Variants in STARD8 observed in about 807,000 individuals in gnomAD.
The protein encoded by STARD8 is StAR related lipid transfer domain containing 8.
Under a neutral mutation model 69.4 loss-of-function variants are expected in STARD8, and 25 were observed. The ratio of observed to expected loss-of-function variants is 0.36; its 90% CI spans 0.26 to 0.50. The LOEUF is 0.50. Among genes scored for constraint, STARD8 ranks in the 20% least tolerant of loss-of-function variants. The pLI is 0.96. For synonymous variants in STARD8, 389 were observed against 374.6 expected (o/e 1.04, Z -0.45); for missense variants, 921 against 932.5 (o/e 0.99, Z 0.16).
At position 68,723,710 on chromosome X, in the gene STARD8, C is replaced by T. The variant is rs372475852; in HGVS notation, c.2884C>T (p.Arg962Trp). The T allele has an allele frequency of 2.5e-5, 30 of 1,192,954 alleles. No individual in the cohort carries two copies. Among genetic ancestry groups the T allele is most frequent in the African/African-American group, 1.2e-4 (7 of 56,898 alleles). The change falls in exon 13 of 15, where the codon CGG becomes TGG. Residue 962 changes from arginine (R) to tryptophan (W), a missense_variant. Arg to Trp is a moderately radical substitution (Grantham distance 101). Coordinates refer to ENST00000374599, the MANE Select transcript of STARD8 (RefSeq NM_001142503.3). The stretch of plus-strand genomic sequence containing the variant: ...AGCTGTGGTGCTGCATCGTGTTCTC[C>T]GGGAGCGGGCCCTCTGGGATGAGGA... The part of the protein sequence containing the change: ...PPAVVLHRVL[R>W]ERALWDEDLL...
At chrX:68,708,782 C>T (rs2080027933) in intron 2 of STARD8, among the ~76,000 whole-genome samples, 1 of 112,607 alleles carries the variant, frequency 8.9e-6, no homozygotes, top group Admixed American at 9.3e-5. Flanking sequence ...AAACTGCTGG[C>T]AGCCATGCCT....
At chrX:68,702,635 G>A (rs1240953382) in intron 2 of STARD8, among the ~76,000 whole-genome samples, 5 of 111,426 alleles carry the variant, frequency 4.5e-5, no homozygotes, top group Non-Finnish European at 9.4e-5. Context: ...TGACTCTAGA[G>A]CCAAACTGCC....
intron 2 of STARD8, among the ~76,000 whole-genome samples, chrX:68,672,719 C>CG (rs1434391907): frequency 9.6e-6 from 1 of 104,536 alleles, no homozygotes; most frequent in African/African-American, 4.0e-5. Context: ...CAGCGCCCCA[C>CG]CCCCCATGGC....
chrX:68,703,855 T>C (rs926496435), intron 2 of STARD8, among the ~76,000 whole-genome samples: 5 of 111,453 alleles, frequency 4.5e-5, no homozygotes, highest in African/African-American at 1.6e-4. Flanking sequence ...CTTCAGGTCA[T>C]AATGCCTCCA....
intron 2 of STARD8, among the ~76,000 whole-genome samples, chrX:68,678,746 T>C (rs2079782770): frequency 8.9e-6 from 1 of 112,626 alleles, no homozygotes; most frequent in Non-Finnish European, 1.9e-5. Context: ...AGTCATACTA[T>C]GAGTTGAACT....
intron 10 of STARD8, 72 bp downstream of exon 10, chrX:68,721,818 T>C: frequency 9.6e-7 from 1 of 1,044,401 alleles, no homozygotes. Flanking sequence ...CTTTTGGCTT[T>C]TGATGGCTGG....
intron 1 of STARD8, among the ~76,000 whole-genome samples, chrX:68,649,420 C>G (rs2079533880): frequency 9.1e-6 from 1 of 109,581 alleles, no homozygotes; most frequent in Non-Finnish European, 1.9e-5. Context: ...TGGAATTAAT[C>G]TGTGGATTCA....
At chrX:68,665,662 C>A in intron 2 of STARD8, 130 bp downstream of exon 2, 1 of 673,890 alleles carries the variant, frequency 1.5e-6, no homozygotes, top group Non-Finnish European at 2.3e-6. Context: ...CGGAGACATC[C>A]TCTCTGTCTC....
intron 4 of STARD8, 123 bp from the exon 5 acceptor site, chrX:68,716,245 G>C: frequency 1.7e-6 from 1 of 596,575 alleles, no homozygotes; most frequent in Non-Finnish European, 2.7e-6. Context: ...AAACCTTCAC[G>C]AATATTGGAG....
intron 2 of STARD8, among the ~76,000 whole-genome samples, chrX:68,691,661 T>C (rs2079877276): frequency 1.8e-5 from 2 of 112,532 alleles, no homozygotes. Context: ...GAACATCTAC[T>C]CTATGCCAGG....
chrX:68,724,265 A>G (rs1441794995), intron 14 of STARD8, 40 bp from the exon 15 acceptor site: 1 of 1,196,913 alleles, frequency 8.4e-7, no homozygotes, highest in Non-Finnish European at 1.1e-6. Context: ...GCTCTGGGGA[A>G]AAATCCATTG....
chrX:68,666,734 C>T (rs866049424), intron 2 of STARD8, among the ~76,000 whole-genome samples: 2 of 112,273 alleles, frequency 1.8e-5, no homozygotes, highest in Middle Eastern at 4.6e-3. Flanking sequence ...ATACAGCATA[C>T]ATCTGCTTCT....
chrX:68,700,935 T>C (rs1456897289), intron 2 of STARD8, among the ~76,000 whole-genome samples: 1 of 112,120 alleles, frequency 8.9e-6, no homozygotes, highest in Admixed American at 9.4e-5. Context: ...AATCCAACAA[T>C]ATAAATAAAA....
At chrX:68,716,569 G>A (rs992596295) in intron 5 of STARD8, 138 bp downstream of exon 5, 3 of 570,056 alleles carry the variant, frequency 5.3e-6, no homozygotes, top group Non-Finnish European at 8.2e-6. Context: ...CCCAGCTAGG[G>A]GTAGAGATGG....
At chrX:68,697,011 A>C (rs2079924898) in intron 2 of STARD8, among the ~76,000 whole-genome samples, 2 of 111,737 alleles carry the variant, frequency 1.8e-5, no homozygotes, top group Non-Finnish European at 3.8e-5. Context: ...TTCAACAGCC[A>C]TTTGCCCATG....
intron 2 of STARD8, among the ~76,000 whole-genome samples, chrX:68,671,652 C>T (rs2079729073): frequency 8.9e-6 from 1 of 112,689 alleles, no homozygotes; most frequent in African/African-American, 3.2e-5. Flanking sequence ...GCCCCACTGG[C>T]TCCAGATGAC....
intron 2 of STARD8, among the ~76,000 whole-genome samples, chrX:68,706,102 T>C (rs2080004375): frequency 8.9e-6 from 1 of 111,846 alleles, no homozygotes; most frequent in East Asian, 2.8e-4. Flanking sequence ...GCCTGGAACT[T>C]GGCATCCAGC....
At chrX:68,668,768 C>G (rs758691769) in intron 2 of STARD8, among the ~76,000 whole-genome samples, 1 of 111,674 alleles carries the variant, frequency 9.0e-6, no homozygotes, top group East Asian at 2.8e-4. Flanking sequence ...ATTTGTGAAC[C>G]AACTTCAGAA....
At chrX:68,662,453 C>T (rs1200007752) in intron 1 of STARD8, among the ~76,000 whole-genome samples, 6 of 111,714 alleles carry the variant, frequency 5.4e-5, no homozygotes, top group African/African-American at 2.0e-4. Flanking sequence ...GATAAAGTCT[C>T]AAGTTCTTAA....
Sources: gnomAD v4.1 joint callset for allele counts (sites outside exome capture counted in the v4.1 genomes callset) on GRCh38, gnomAD v4.1.1 for gene constraint, MANE v1.5 for transcripts, NCBI Gene and HGNC (gene_info 2026-07-23, HGNC 2026-07-21) for gene names.